Variants in ALPK2 observed in about 807,000 individuals in gnomAD.
The protein encoded by ALPK2 is alpha-protein kinase 2.
A neutral mutation model predicts 163.1 loss-of-function variants in ALPK2; 127 were observed. The observed-to-expected ratio is 0.78, with a 90% confidence interval of 0.67 to 0.90. The LOEUF (loss-of-function observed/expected upper bound fraction) is 0.90, where lower values mean the gene tolerates loss of function less well. Ranked by LOEUF, ALPK2 falls within the 40% of genes least tolerant of loss-of-function variation. The pLI is 0.00. For missense variants in ALPK2, 2,360 were observed against 2,589.6 expected, an observed-to-expected ratio of 0.91 and a Z score of 1.92; for synonymous variants, 953 against 959.1, an observed-to-expected ratio of 0.99 and a Z score of 0.12.
chr18:58,484,752 T>TATAATAATAATAATAATA (rs112129757), intron 12 of ALPK2, among the ~76,000 whole-genome samples: 60 of 149,692 alleles, frequency 4.0e-4, no homozygotes, highest in East Asian at 1.4e-3. Context: ...CAAAAAATAA[T>TATAATAATAATAATAATA]ATAATAATAA....
At chr18:58,521,324 A>G (rs2051549931) in intron 8 of ALPK2, among the ~76,000 whole-genome samples, 2 of 152,150 alleles carry the variant, frequency 1.3e-5, no homozygotes, top group East Asian at 1.9e-4. Flanking sequence ...GAAACCTAAC[A>G]AGTGTCTGAG....
intron 9 of ALPK2, among the ~76,000 whole-genome samples, chr18:58,515,682 C>T (rs9945888): frequency 0.7 from 105,735 of 152,064 alleles, 36,814 homozygotes; most frequent in Non-Finnish European, 0.73. Flanking sequence ...ATGGGCAGAA[C>T]ACTATATTCA....
chr18:58,512,919 GAT>G (rs1445094112), intron 10 of ALPK2, among the ~76,000 whole-genome samples: 11 of 90,816 alleles, frequency 1.2e-4, no homozygotes, highest in South Asian at 3.0e-4. Flanking sequence ...GTGTATGTGT[GAT>G]GTGTGGGGTG....
chr18:58,515,747 C>T (rs1294831675), intron 9 of ALPK2, among the ~76,000 whole-genome samples: 1 of 152,220 alleles, frequency 6.6e-6, no homozygotes, highest in Non-Finnish European at 1.5e-5. Context: ...GCCGCAGGAT[C>T]ACGATGCTTA....
Position 58,628,516 on chromosome 18 carries a change from A to G in ALPK2, c.-21+248T>C, listed in dbSNP as rs138050762. Among the ~76,000 whole-genome samples the G allele has an allele frequency of 3.4e-3, 519 of 152,362 alleles. 3 individuals carry two copies. The highest frequency in any genetic ancestry group is 0.012 in the African/African-American group (504 of 41,584). The stretch of plus-strand genomic sequence containing the variant: ...TTTTCATTCATTATTGTCAAGCCAA[A>G]ATAAGCAAATTTAAAAATAGCAATA... On this transcript the variant is annotated intron_variant, in intron 1 of 12. Transcript: ENST00000361673.
intron 3 of ALPK2, among the ~76,000 whole-genome samples, chr18:58,589,584 A>G (rs1251114277): frequency 6.6e-6 from 1 of 152,212 alleles, no homozygotes; most frequent in African/African-American, 2.4e-5. Context: ...TACCAGCACA[A>G]TATACCCATC....
chr18:58,575,379 T>A (rs533655544), intron 4 of ALPK2, among the ~76,000 whole-genome samples: 1 of 152,286 alleles, frequency 6.6e-6, no homozygotes, highest in South Asian at 2.1e-4. Flanking sequence ...CAAATTCCCT[T>A]CCATCACGGA....
intron 6 of ALPK2, among the ~76,000 whole-genome samples, chr18:58,525,502 T>A (rs28758493): frequency 0.018 from 2,753 of 152,314 alleles, 86 homozygotes; most frequent in African/African-American, 0.062. Flanking sequence ...CCTGTGAACA[T>A]CTTCCTTCCA....
chr18:58,505,942 C>CT (rs1308558701), intron 10 of ALPK2, among the ~76,000 whole-genome samples: 1 of 152,164 alleles, frequency 6.6e-6, no homozygotes, highest in Non-Finnish European at 1.5e-5. Flanking sequence ...TACCTCTTCT[C>CT]TGTCTCTTCT....
intron 12 of ALPK2, among the ~76,000 whole-genome samples, chr18:58,484,504 TGCCCACTGAG>T (rs1332616498): frequency 1.3e-5 from 2 of 152,168 alleles, no homozygotes; most frequent in African/African-American, 4.8e-5. Flanking sequence ...ATAATAATAA[TGCCCACTGAG>T]GCAGGTGGAT....
intron 12 of ALPK2, among the ~76,000 whole-genome samples, chr18:58,490,949 G>A (rs533664131): frequency 1.3e-5 from 2 of 152,300 alleles, no homozygotes; most frequent in South Asian, 2.1e-4. Flanking sequence ...CAGTCCATTC[G>A]TTAGTATCTG....
At chr18:58,599,703 GA>G (rs2052059209) in intron 3 of ALPK2, among the ~76,000 whole-genome samples, 1 of 152,126 alleles carries the variant, frequency 6.6e-6, no homozygotes, top group African/African-American at 2.4e-5. Context: ...TTGGGGTGGG[GA>G]GCATGTTTAA....
intron 4 of ALPK2, among the ~76,000 whole-genome samples, chr18:58,560,125 G>C (rs2144175377): frequency 6.6e-6 from 1 of 152,296 alleles, no homozygotes; most frequent in East Asian, 1.9e-4. Flanking sequence ...TCATGGGAGG[G>C]ACCCAGTGGG....
At chr18:58,524,868 C>T (rs72935471) in intron 6 of ALPK2, among the ~76,000 whole-genome samples, 16,004 of 151,326 alleles carry the variant, frequency 0.11, 1,114 homozygotes, top group Middle Eastern at 0.16. Context: ...TTATGGTTCC[C>T]GCCCTCAAGT....
intron 12 of ALPK2, 59 bp downstream of exon 12, chr18:58,497,990 C>T (rs762239249): frequency 1.8e-5 from 27 of 1,522,376 alleles, no homozygotes; most frequent in Non-Finnish European, 2.5e-5. Flanking sequence ...CAGTGTCTGC[C>T]TGGAAGGTGT....
chr18:58,618,229 T>C (rs925925045), intron 1 of ALPK2, among the ~76,000 whole-genome samples: 2 of 152,154 alleles, frequency 1.3e-5, no homozygotes, highest in Admixed American at 6.5e-5. Context: ...GTATTTTTAG[T>C]AGAGACGGGG....
At chr18:58,538,893 C>G (rs1320627820) in intron 4 of ALPK2, among the ~76,000 whole-genome samples, 1 of 151,742 alleles carries the variant, frequency 6.6e-6, no homozygotes, top group African/African-American at 2.4e-5. Flanking sequence ...GGCACCATCC[C>G]CACCCCCACC....
intron 12 of ALPK2, among the ~76,000 whole-genome samples, chr18:58,487,160 C>T (rs7238710): frequency 0.27 from 39,900 of 147,098 alleles, 7,197 homozygotes; most frequent in East Asian, 0.78. Flanking sequence ...TTGGAAATCA[C>T]ATCATTACAG....
At chr18:58,499,225 G>A (rs1336853708) in intron 11 of ALPK2, among the ~76,000 whole-genome samples, 1 of 152,110 alleles carries the variant, frequency 6.6e-6, no homozygotes, top group Non-Finnish European at 1.5e-5. Context: ...CTCTGGTTCA[G>A]CAAAAAGCAA....
Sources: allele counts gnomAD v4.1 joint callset (sites outside exome capture counted in the v4.1 genomes callset), GRCh38; gene constraint gnomAD v4.1.1; transcripts MANE v1.5; gene names NCBI Gene and HGNC (gene_info 2026-07-23, HGNC 2026-07-21).